The following HDAC9 variants were observed in gnomAD, a reference collection of about 807,000 sequenced individuals.
The protein encoded by HDAC9 is histone deacetylase 9.
A neutral mutation model predicts 139.4 loss-of-function variants in HDAC9; 41 were observed. The ratio of observed to expected loss-of-function variants is 0.29; its 90% CI spans 0.23 to 0.38. The LOEUF (loss-of-function observed/expected upper bound fraction) is 0.38, where lower values mean the gene tolerates loss of function less well. Among genes scored for constraint, HDAC9 ranks in the 10% least tolerant of loss-of-function variants. HDAC9 has a pLI of 1.00. For missense variants in HDAC9, 1,147 were observed against 1,297.0 expected (o/e 0.88, Z 1.78); for synonymous variants, 517 against 476.2 (o/e 1.09, Z -1.12).
At chr7:18,910,152 A>G (rs1262387615) in intron 22 of HDAC9, among the ~76,000 whole-genome samples, 1 of 152,068 alleles carries the variant, frequency 6.6e-6, no homozygotes, top group Middle Eastern at 3.4e-3. Flanking sequence ...GCTTTGGGTA[A>G]CAAGGCTATT....
At chr7:18,990,434 G>C (rs1042747665) in intron 25 of HDAC9, among the ~76,000 whole-genome samples, 3 of 152,254 alleles carry the variant, frequency 2.0e-5, no homozygotes, top group Non-Finnish European at 1.5e-5. Context: ...TGCTGGGAGA[G>C]CCACTGCTCT....
intron 12 of HDAC9, among the ~76,000 whole-genome samples, chr7:18,719,843 C>T (rs765084277): frequency 9.9e-5 from 15 of 152,150 alleles, no homozygotes; most frequent in Non-Finnish European, 1.8e-4. Context: ...GGTGGTTATG[C>T]AGTTGTCCCT....
intron 21 of HDAC9, among the ~76,000 whole-genome samples, chr7:18,871,867 A>G (rs1417172760): frequency 1.3e-5 from 2 of 152,180 alleles, no homozygotes; most frequent in African/African-American, 4.8e-5. Context: ...CAGAGAGGAG[A>G]ACAAGAGTTT....
chr7:18,914,703 T>C (rs552692719), intron 22 of HDAC9, among the ~76,000 whole-genome samples: 2 of 137,508 alleles, frequency 1.5e-5, no homozygotes, highest in African/African-American at 2.5e-5. Flanking sequence ...CACTTAACTT[T>C]GATGTATTGA....
intron 1 of HDAC9, among the ~76,000 whole-genome samples, chr7:18,381,828 A>G (rs1484858878): frequency 6.6e-6 from 1 of 152,182 alleles, no homozygotes; most frequent in Non-Finnish European, 1.5e-5. Context: ...ATTTAACGTT[A>G]CAAAATATTT....
At chr7:18,306,969 G>A (rs573708162) in intron 1 of HDAC9, among the ~76,000 whole-genome samples, 5 of 152,072 alleles carry the variant, frequency 3.3e-5, no homozygotes, top group East Asian at 1.9e-4. Context: ...CACTTCTCTC[G>A]TGGACCTCAT....
chr7:18,629,540 T>A (rs997652647), intron 7 of HDAC9, 59 bp downstream of exon 7: 2 of 1,473,588 alleles, frequency 1.4e-6, no homozygotes, highest in African/African-American at 2.9e-5. Flanking sequence ...AAAAAATAGT[T>A]TAGAATAAAT....
chr7:18,936,010 C>T, intron 23 of HDAC9, 68 bp downstream of exon 23: 2 of 1,475,374 alleles, frequency 1.4e-6, no homozygotes, highest in Admixed American at 2.2e-5. Flanking sequence ...TATTTTTAAA[C>T]TAAAAAAAAA....
intron 2 of HDAC9, among the ~76,000 whole-genome samples, chr7:18,566,204 A>G (rs1045910359): frequency 7.2e-5 from 11 of 152,346 alleles, no homozygotes; most frequent in African/African-American, 2.4e-4. Context: ...GTTAGAGGAG[A>G]GGTTTCCAAA....
chr7:18,826,343 A>ACCAC (rs1795433101), intron 17 of HDAC9, among the ~76,000 whole-genome samples: 2 of 151,988 alleles, frequency 1.3e-5, no homozygotes, highest in African/African-American at 2.4e-5. Context: ...ACTTGAGCAG[A>ACCAC]TTGTGGGAGA....
chr7:18,987,296 G>A (rs960085562), intron 25 of HDAC9, among the ~76,000 whole-genome samples: 5 of 152,250 alleles, frequency 3.3e-5, no homozygotes, highest in East Asian at 3.9e-4. Flanking sequence ...AATTTTGTCA[G>A]AGGCCTTTTC....
chr7:18,272,978 C>T (rs1562821029), intron 2 of HDAC9, among the ~76,000 whole-genome samples: 2 of 149,350 alleles, frequency 1.3e-5, no homozygotes, highest in African/African-American at 4.9e-5. Context: ...TTTCTTCCTC[C>T]TCTTTCTCCT....
chr7:18,643,421 G>A (rs1463250620), intron 8 of HDAC9, among the ~76,000 whole-genome samples: 3 of 152,074 alleles, frequency 2.0e-5, no homozygotes, highest in Non-Finnish European at 2.9e-5. Flanking sequence ...AACAAAATCT[G>A]AACTAGCTTT....
intron 2 of HDAC9, among the ~76,000 whole-genome samples, chr7:18,569,856 T>TA (rs905758187): frequency 6.0e-5 from 9 of 150,712 alleles, no homozygotes; most frequent in Admixed American, 2.0e-4. Context: ...ACAGGGAACC[T>TA]AAAAAAAAAC....
chr7:18,912,234 C>A (rs983734776), intron 22 of HDAC9, among the ~76,000 whole-genome samples: 1 of 151,876 alleles, frequency 6.6e-6, no homozygotes, highest in Non-Finnish European at 1.5e-5. Context: ...ATGTAATGAC[C>A]AGCACTATAG....
chr7:18,411,817 CTTTTTTTTTT>C (rs71014326), intron 1 of HDAC9, among the ~76,000 whole-genome samples: 4 of 88,940 alleles, frequency 4.5e-5, no homozygotes, highest in Non-Finnish European at 5.9e-5. Context: ...TTTCAACTTG[CTTTTTTTTTT>C]TTTTTTTTTT....
chr7:18,920,704 G>C (rs1029961679), intron 22 of HDAC9, among the ~76,000 whole-genome samples: 1 of 152,102 alleles, frequency 6.6e-6, no homozygotes, highest in Non-Finnish European at 1.5e-5. Flanking sequence ...TTAGCATGAA[G>C]CGTTGTTGAA....
chr7:18,812,769 G>A (rs185156500), intron 17 of HDAC9, among the ~76,000 whole-genome samples: 2 of 151,804 alleles, frequency 1.3e-5, no homozygotes, highest in East Asian at 3.9e-4. Context: ...TGTTTCTGAG[G>A]GTCCTATTAC....
At chr7:18,730,409 C>G (rs1385155433) in intron 13 of HDAC9, among the ~76,000 whole-genome samples, 1 of 152,148 alleles carries the variant, frequency 6.6e-6, no homozygotes, top group African/African-American at 2.4e-5. Flanking sequence ...ATCTTTTAAG[C>G]ACTAATCTCC....
Sources: allele counts gnomAD v4.1 joint callset (sites outside exome capture counted in the v4.1 genomes callset), GRCh38; gene constraint gnomAD v4.1.1; transcripts MANE v1.5; gene names NCBI Gene and HGNC (gene_info 2026-07-23, HGNC 2026-07-21).